Variants in KTN1 observed in about 807,000 individuals in gnomAD.
KTN1 encodes kinectin 1, also known as kinectin.
KTN1 carries 130 observed loss-of-function variants against 222.5 expected under a neutral mutation model. That is an observed-to-expected ratio of 0.58 (90% CI 0.51 to 0.68). The LOEUF (loss-of-function observed/expected upper bound fraction) is 0.68, where lower values mean the gene tolerates loss of function less well. Ranked by LOEUF, KTN1 falls within the 30% of genes least tolerant of loss-of-function variation. KTN1 has a pLI of 0.00. For missense variants in KTN1, 1,508 were observed against 1,500.4 expected (o/e 1.01, Z -0.08); for synonymous variants, 512 against 496.3 (o/e 1.03, Z -0.42).
chr14:55,628,719 A>G (rs576012841), intron 6 of KTN1, among the ~76,000 whole-genome samples: 1 of 152,336 alleles, frequency 6.6e-6, no homozygotes, highest in East Asian at 1.9e-4. Flanking sequence ...ATTTGAAGTA[A>G]ATAAAAAAAG....
chr14:55,684,140 G>T lies in KTN1; in HGVS notation c.*37G>T, dbSNP rs377030594. Reference sequence around the variant, plus strand: ...AACTGTTCATTTGAGGATAAAAAAGGCATTGTATTATATTTTGCCAAATTA... The same window carrying T: ...AACTGTTCATTTGAGGATAAAAAAGTCATTGTATTATATTTTGCCAAATTA... On this transcript the variant is annotated 3_prime_UTR_variant, in exon 44 of 44. Coordinates refer to ENST00000395314, the MANE Select transcript of KTN1 (RefSeq NM_001079521.2). 8.9e-6 allele frequency: 14 copies of T among 1,564,876 alleles called. No individual in the cohort carries two copies. Among genetic ancestry groups the T allele is most frequent in the South Asian group, 1.1e-5 (1 of 87,686 alleles).
intron 33 of KTN1, among the ~76,000 whole-genome samples, chr14:55,666,775 G>A (rs75509578): frequency 0.077 from 11,722 of 152,008 alleles, 496 homozygotes; most frequent in South Asian, 0.11. Context: ...GGAAATAAGA[G>A]AGTTACCATT....
intron 1 of KTN1, among the ~76,000 whole-genome samples, chr14:55,602,073 T>C (rs562446941): frequency 1.3e-5 from 2 of 152,326 alleles, no homozygotes; most frequent in African/African-American, 2.4e-5. Flanking sequence ...TTTGAAACTT[T>C]ATTTGGATGT....
intron 1 of KTN1, among the ~76,000 whole-genome samples, chr14:55,584,261 G>T (rs1054479004): frequency 1.3e-5 from 2 of 152,040 alleles, no homozygotes; most frequent in African/African-American, 4.8e-5. Flanking sequence ...CTTCTCTCTG[G>T]CTCCAATGGT....
chr14:55,634,784 A>G, intron 9 of KTN1, 126 bp downstream of exon 9: 1 of 715,324 alleles, frequency 1.4e-6, no homozygotes. Flanking sequence ...TAATTGACTC[A>G]CGGTTCAACA....
At chr14:55,619,068 T>C (rs2038783734) in intron 4 of KTN1, 114 bp from the exon 5 acceptor site, 1 of 761,180 alleles carries the variant, frequency 1.3e-6, no homozygotes, top group Non-Finnish European at 2.1e-6. Context: ...ATATCTGTTT[T>C]CTTTCGGTTA....
intron 1 of KTN1, among the ~76,000 whole-genome samples, chr14:55,594,766 A>C (rs2034741231): frequency 6.6e-6 from 1 of 152,200 alleles, no homozygotes; most frequent in South Asian, 2.1e-4. Context: ...TGTAGGTATA[A>C]ACAAGTTGAA....
chr14:55,681,017 T>A (rs112464453), intron 43 of KTN1: 13 of 253,634 alleles, frequency 5.1e-5, no homozygotes, highest in African/African-American at 2.4e-4. Flanking sequence ...TCAGATGGCT[T>A]ATTTTAACCT....
chr14:55,626,208 C>CA (rs532496956), intron 5 of KTN1, among the ~76,000 whole-genome samples: 9,299 of 143,160 alleles, frequency 0.065, 372 homozygotes, highest in South Asian at 0.093. Flanking sequence ...ATATCTTTAA[C>CA]AAAAAAAAAA....
intron 21 of KTN1, 75 bp from the exon 22 acceptor site, chr14:55,649,701 G>GATA: frequency 2.3e-6 from 2 of 857,228 alleles, no homozygotes; most frequent in East Asian, 5.2e-5. Flanking sequence ...AAAATCTAAG[G>GATA]ATAATGTGCA....
intron 10 of KTN1, 108 bp downstream of exon 10, chr14:55,636,644 A>T: frequency 1.5e-6 from 1 of 687,386 alleles, no homozygotes; most frequent in Non-Finnish European, 2.5e-6. Flanking sequence ...TTATAGCTCA[A>T]TAAAAATAGC....
chr14:55,623,636 G>T (rs2039439338), intron 5 of KTN1, among the ~76,000 whole-genome samples: 1 of 152,230 alleles, frequency 6.6e-6, no homozygotes, highest in African/African-American at 2.4e-5. Context: ...CTCCCAAAGT[G>T]CTAGGATTAC....
chr14:55,657,415 A>G (rs1252231243), intron 29 of KTN1, among the ~76,000 whole-genome samples: 13 of 125,340 alleles, frequency 1.0e-4, no homozygotes, highest in Admixed American at 1.0e-3. Context: ...TTTTTTTACT[A>G]ATTTGTAAGA....
At chr14:55,621,824 ATAAG>A (rs749716271) in intron 5 of KTN1, among the ~76,000 whole-genome samples, 2 of 151,586 alleles carry the variant, frequency 1.3e-5, no homozygotes, top group African/African-American at 4.8e-5. Flanking sequence ...ATTGCTTAAA[ATAAG>A]TAAGATGATT....
intron 32 of KTN1, chr14:55,663,362 C>T (rs1043242323): frequency 1.4e-4 from 25 of 177,198 alleles, no homozygotes; most frequent in African/African-American, 5.0e-4. Flanking sequence ...TTCCAGCCTT[C>T]CCCTTTGCTT....
At chr14:55,638,202 C>T (rs946552110) in intron 12 of KTN1, among the ~76,000 whole-genome samples, 1 of 151,812 alleles carries the variant, frequency 6.6e-6, no homozygotes, top group Non-Finnish European at 1.5e-5. Flanking sequence ...CTGGAAAATC[C>T]TAATATATCA....
At chr14:55,657,151 A>G (rs984328744) in intron 29 of KTN1, among the ~76,000 whole-genome samples, 1 of 152,192 alleles carries the variant, frequency 6.6e-6, no homozygotes, top group Non-Finnish European at 1.5e-5. Flanking sequence ...ATTTTGTTAG[A>G]CAATGCTAGA....
At chr14:55,622,251 T>C (rs2039248052) in intron 5 of KTN1, among the ~76,000 whole-genome samples, 1 of 152,194 alleles carries the variant, frequency 6.6e-6, no homozygotes, top group Non-Finnish European at 1.5e-5. Context: ...CTGGATAGCA[T>C]GTATGAACGG....
chr14:55,587,663 G>A (rs548137643), intron 1 of KTN1, among the ~76,000 whole-genome samples: 3 of 152,106 alleles, frequency 2.0e-5, no homozygotes, highest in Admixed American at 6.6e-5. Context: ...ATTACTTTAC[G>A]TAGTTTTCAT....
Sources: gnomAD v4.1 joint callset for allele counts (sites outside exome capture counted in the v4.1 genomes callset) on GRCh38, gnomAD v4.1.1 for gene constraint, MANE v1.5 for transcripts, NCBI Gene and HGNC (gene_info 2026-07-23, HGNC 2026-07-21) for gene names.